Variants in SERINC5 observed in about 807,000 individuals in gnomAD.
SERINC5 encodes chromosome 5 open reading frame 12.
Under a neutral mutation model 63.1 loss-of-function variants are expected in SERINC5, and 41 were observed. The observed-to-expected ratio is 0.65, with a 90% confidence interval of 0.51 to 0.84. SERINC5 has a LOEUF of 0.84. Ranked by LOEUF, SERINC5 falls within the 40% of genes least tolerant of loss-of-function variation. The pLI is 0.00. For synonymous variants in SERINC5, 222 were observed against 215.2 expected (o/e 1.03, Z -0.28); for missense variants, 523 against 573.0 (o/e 0.91, Z 0.89).
chr5:80,237,270 G>A (rs1751737928), intron 1 of SERINC5, among the ~76,000 whole-genome samples: 1 of 152,140 alleles, frequency 6.6e-6, no homozygotes, highest in Non-Finnish European at 1.5e-5. Flanking sequence ...CTTTGCACAG[G>A]ACTCTCTAAT....
chr5:80,193,677 AAAAGACTCTCAGCAGAATAT>A (rs1187743375), intron 2 of SERINC5, among the ~76,000 whole-genome samples: 25 of 152,314 alleles, frequency 1.6e-4, no homozygotes, highest in African/African-American at 5.8e-4. Flanking sequence ...CAGGCTCAAA[AAAAGACTCTCAGCAGAATAT>A]CCATTAGTTC....
In SERINC5 at chr5:80,139,514, AAAAAAAGCTCTTTGGT is replaced by A. The variant is rs1271359128; in HGVS notation, c.*4133_*4148del. The A allele has an allele frequency of 3.2e-5, 32 of 985,260 alleles. No homozygotes were observed. Among genetic ancestry groups the A allele is most frequent in the Non-Finnish European group, 3.9e-5 (32 of 829,940 alleles). 61.0% of individuals were successfully genotyped at this position (985,260 alleles called of 1,614,324 possible). A position where few individuals can be genotyped will look rare whatever the true frequency, so the allele number is the denominator to read the frequency against. On this transcript the variant is annotated 3_prime_UTR_variant, in exon 12 of 12. Coordinates refer to ENST00000507668, the MANE Select transcript of SERINC5 (RefSeq NM_001174072.3). ...TTCTGAAAGGATTTTGCTTAAGGAA[AAAAAAAGCTCTTTGGT>A]AAAGGCCAAATATTTCAACCTTTCA... is the stretch of plus-strand genomic sequence containing the variant.
chr5:80,163,118 G>T (rs1747051982), intron 7 of SERINC5, among the ~76,000 whole-genome samples: 2 of 151,704 alleles, frequency 1.3e-5, no homozygotes, highest in African/African-American at 2.4e-5. Context: ...CCCTCCCAAA[G>T]TGCTGGGATT....
At chr5:80,177,462 T>G in intron 3 of SERINC5, 65 bp from the exon 4 acceptor site, 1 of 1,283,340 alleles carries the variant, frequency 7.8e-7, no homozygotes, top group East Asian at 2.3e-5. Flanking sequence ...ACAAAGGACC[T>G]CGTAGAAGGT....
chr5:80,201,773 A>G (rs1028954583), intron 2 of SERINC5, among the ~76,000 whole-genome samples: 1 of 152,196 alleles, frequency 6.6e-6, no homozygotes, highest in Non-Finnish European at 1.5e-5. Context: ...CGCTGACCAA[A>G]GAACGGCCAA....
chr5:80,138,432 C>T (rs1745303187), downstream of SERINC5, among the ~76,000 whole-genome samples: 1 of 151,978 alleles, frequency 6.6e-6, no homozygotes, highest in Non-Finnish European at 1.5e-5. Context: ...CCCATCTCTA[C>T]TAAAAATACA....
chr5:80,213,248 A>AAAAAAAAAAAAAAAAC, intron 1 of SERINC5, among the ~76,000 whole-genome samples: 1 of 151,802 alleles, frequency 6.6e-6, no homozygotes, highest in African/African-American at 2.4e-5. Context: ...TGCATCTCAA[A>AAAAAAAAAAAAAAAAC]GAAAGAAAAA....
At chr5:80,235,045 C>T (rs564887920) in intron 1 of SERINC5, among the ~76,000 whole-genome samples, 2 of 152,086 alleles carry the variant, frequency 1.3e-5, no homozygotes, top group Non-Finnish European at 2.9e-5. Flanking sequence ...TTTTTCATCA[C>T]GCAGCACTGA....
intron 7 of SERINC5, among the ~76,000 whole-genome samples, chr5:80,162,810 G>C (rs1747026403): frequency 6.6e-6 from 1 of 151,560 alleles, no homozygotes; most frequent in South Asian, 2.1e-4. Flanking sequence ...TTGGTTCTCT[G>C]CTAGATGATT....
chr5:80,220,931 C>T (rs1412480213), intron 1 of SERINC5, among the ~76,000 whole-genome samples: 1 of 151,944 alleles, frequency 6.6e-6, no homozygotes, highest in African/African-American at 2.4e-5. Flanking sequence ...GAAATGGGGT[C>T]TTGAGCAGCG....
intron 6 of SERINC5, among the ~76,000 whole-genome samples, chr5:80,168,451 T>A (rs1208809724): frequency 6.6e-6 from 1 of 152,200 alleles, no homozygotes; most frequent in Non-Finnish European, 1.5e-5. Context: ...TCTGCCTGCC[T>A]CAGCCTCCCA....
chr5:80,192,255 A>G (rs923523674), intron 2 of SERINC5, among the ~76,000 whole-genome samples: 1 of 152,182 alleles, frequency 6.6e-6, no homozygotes, highest in Non-Finnish European at 1.5e-5. Context: ...AAAGCAAGTG[A>G]CAACTGGTGA....
chr5:80,194,101 A>G (rs1441559435), intron 2 of SERINC5, among the ~76,000 whole-genome samples: 3 of 152,252 alleles, frequency 2.0e-5, no homozygotes, highest in African/African-American at 7.2e-5. Flanking sequence ...GTACAACAGT[A>G]CCATGAACTC....
At chr5:80,236,715 G>A (rs866247178) in intron 1 of SERINC5, among the ~76,000 whole-genome samples, 13 of 151,696 alleles carry the variant, frequency 8.6e-5, no homozygotes, top group Admixed American at 1.3e-4. Context: ...CAGTAGAGGC[G>A]GGGGTTTCAC....
intron 1 of SERINC5, among the ~76,000 whole-genome samples, chr5:80,241,272 C>G (rs1751929440): frequency 6.6e-6 from 1 of 151,938 alleles, no homozygotes; most frequent in South Asian, 2.1e-4. Flanking sequence ...AGATCGAGAC[C>G]ATCCTGGCCA....
Position 80,140,979 on chromosome 5 carries a change from T to A in SERINC5, c.*2684A>T, listed in dbSNP as rs909369472. The A allele has an allele frequency of 3.0e-6, 3 of 985,434 alleles. No homozygotes were observed. The highest frequency in any genetic ancestry group is 3.6e-6 in the Non-Finnish European group (3 of 829,902). The allele number at this position is 985,434 out of a possible 1,614,324, so 61.0% of individuals were successfully genotyped here. A position where few individuals can be genotyped will look rare whatever the true frequency, so the allele number is the denominator to read the frequency against. ...GTTAATCAAATTAACACCGTTGTTA[T>A]AGGAACTCAAAGCCATTGGCACAAT... On this transcript the variant is annotated 3_prime_UTR_variant, in exon 12 of 12. Coordinates refer to ENST00000507668, the MANE Select transcript of SERINC5 (RefSeq NM_001174072.3).
chr5:80,177,807 G>C, intron 3 of SERINC5, 79 bp downstream of exon 3: 12 of 1,105,302 alleles, frequency 1.1e-5, no homozygotes, highest in Non-Finnish European at 1.5e-5. Context: ...ACAGTGTCTG[G>C]TGGGCAGATG....
chr5:80,230,735 C>T (rs945877546), intron 1 of SERINC5, among the ~76,000 whole-genome samples: 2 of 152,220 alleles, frequency 1.3e-5, no homozygotes, highest in African/African-American at 4.8e-5. Context: ...AAGGTCACAG[C>T]TCCTTTGTGG....
At chr5:80,251,276 TTAAA>T (rs1326855956) in intron 1 of SERINC5, among the ~76,000 whole-genome samples, 6 of 139,054 alleles carry the variant, frequency 4.3e-5, no homozygotes, top group African/African-American at 1.7e-4. Context: ...GATCCCATCT[TTAAA>T]TACATACATG....
Sources: gnomAD v4.1 joint callset for allele counts (sites outside exome capture counted in the v4.1 genomes callset) on GRCh38, gnomAD v4.1.1 for gene constraint, MANE v1.5 for transcripts, NCBI Gene and HGNC (gene_info 2026-07-23, HGNC 2026-07-21) for gene names.